IMPG1: variants seen among roughly 807,000 people sequenced by gnomAD.
IMPG1 encodes the protein interphotoreceptor matrix proteoglycan 1.
In IMPG1, 85 loss-of-function variants were observed where a neutral mutation model predicts 92.0. The ratio of observed to expected loss-of-function variants is 0.92; its 90% CI spans 0.78 to 1.11. The LOEUF is 1.11. Ranked by LOEUF, IMPG1 falls within the 50% of genes least tolerant of loss-of-function variation. The probability of loss-of-function intolerance (pLI) is 0.00; values close to 1 mark genes in which losing one functional copy is unlikely to be tolerated. For synonymous variants in IMPG1, 367 were observed against 334.1 expected (o/e 1.10, Z -1.08); for missense variants, 1,022 against 956.0 (o/e 1.07, Z -0.91).
In IMPG1 at chr6:76,042,036, T is replaced by G; in HGVS notation, c.158A>C (p.Lys53Thr). Reference sequence around the variant, plus strand: ...GAATATTCGTCTCATAGTTGACATTTTGTACATTTTTTCAGTACTTTCAGT... The same window carrying G: ...GAATATTCGTCTCATAGTTGACATTGTGTACATTTTTTCAGTACTTTCAGT... ...ETTESTEKMY[K>T]MSTMRRIFDL... Residue 53 changes from lysine to threonine, a missense_variant, in exon 2 of 17, where the codon AAA (lysine) becomes ACA (threonine). By Grantham distance (78) the Lys-to-Thr change is moderately conservative. Coordinates refer to ENST00000369950, the MANE Select transcript of IMPG1 (RefSeq NM_001563.4). 1 of 1,612,840 alleles carries G rather than the reference T, an allele frequency of 6.2e-7. No homozygotes were observed. Among genetic ancestry groups the G allele is most frequent in the Non-Finnish European group, 8.5e-7 (1 of 1,178,820 alleles).
intron 12 of IMPG1, among the ~76,000 whole-genome samples, chr6:75,953,667 G>A (rs535459019): frequency 1.1e-3 from 160 of 151,716 alleles, no homozygotes; most frequent in Non-Finnish European, 1.9e-3. Context: ...GAACGTGCAG[G>A]TTTGTTACAT....
At chr6:76,001,220 T>C (rs1165320117) in intron 12 of IMPG1, among the ~76,000 whole-genome samples, 3 of 152,234 alleles carry the variant, frequency 2.0e-5, no homozygotes, top group African/African-American at 7.2e-5. Context: ...TTTATTAATC[T>C]ACCTGAAATG....
intron 12 of IMPG1, among the ~76,000 whole-genome samples, chr6:75,976,772 C>T (rs533204988): frequency 2.6e-5 from 4 of 151,420 alleles, no homozygotes; most frequent in South Asian, 2.1e-4. Context: ...ACTAGCCGGG[C>T]GTGGTGGCAG....
chr6:76,067,434 G>A (rs548847288), intron 1 of IMPG1, among the ~76,000 whole-genome samples: 2 of 152,110 alleles, frequency 1.3e-5, no homozygotes, highest in Non-Finnish European at 2.9e-5. Flanking sequence ...CTTGAAAACC[G>A]AGAGGAAATG....
chr6:75,941,221 C>A (rs1210588498), intron 14 of IMPG1, among the ~76,000 whole-genome samples: 1 of 152,280 alleles, frequency 6.6e-6, no homozygotes, highest in East Asian at 1.9e-4. Flanking sequence ...GTACCCAAAT[C>A]ATGATTACAT....
intron 1 of IMPG1, among the ~76,000 whole-genome samples, chr6:76,069,795 T>C (rs1165760502): frequency 6.6e-6 from 1 of 151,264 alleles, no homozygotes; most frequent in Admixed American, 6.6e-5. Flanking sequence ...TTTGCAGCCA[T>C]AAAACAAACC....
chr6:76,043,985 G>C (rs1783890018), intron 1 of IMPG1, among the ~76,000 whole-genome samples: 1 of 152,248 alleles, frequency 6.6e-6, no homozygotes, highest in South Asian at 2.1e-4. Flanking sequence ...AGCAAGACCA[G>C]TTGCAAGGCA....
At chr6:76,046,347 C>T (rs746959868) in intron 1 of IMPG1, among the ~76,000 whole-genome samples, 5 of 151,766 alleles carry the variant, frequency 3.3e-5, no homozygotes, top group Non-Finnish European at 5.9e-5. Flanking sequence ...AGATTAAACA[C>T]TAGGAAAACA....
intron 2 of IMPG1, among the ~76,000 whole-genome samples, chr6:76,041,621 T>G (rs1051782262): frequency 2.0e-5 from 3 of 152,104 alleles, no homozygotes; most frequent in Non-Finnish European, 2.9e-5. Context: ...AATAAAGGGG[T>G]AAAATCTGGA....
intron 12 of IMPG1, among the ~76,000 whole-genome samples, chr6:75,977,631 C>G (rs1344289162): frequency 6.6e-6 from 1 of 150,724 alleles, no homozygotes; most frequent in Non-Finnish European, 1.5e-5. Context: ...AACAAGCATA[C>G]ATTTTATTTA....
intron 14 of IMPG1, among the ~76,000 whole-genome samples, chr6:75,937,041 T>A (rs1172937572): frequency 2.6e-5 from 4 of 151,958 alleles, no homozygotes; most frequent in Non-Finnish European, 4.4e-5. Context: ...AAACAGAAAA[T>A]CTGCAGTGCT....
intron 12 of IMPG1, among the ~76,000 whole-genome samples, chr6:75,974,358 T>C (rs1322686969): frequency 8.1e-6 from 1 of 123,068 alleles, no homozygotes; most frequent in Non-Finnish European, 1.7e-5. Context: ...TTTCTTTCTT[T>C]CTTTCTTTCT....
intron 15 of IMPG1, among the ~76,000 whole-genome samples, chr6:75,924,572 TATAA>T (rs1781497471): frequency 2.5e-5 from 1 of 40,010 alleles, no homozygotes; most frequent in Non-Finnish European, 4.9e-5. Context: ...ATATATTATA[TATAA>T]TTAATATAAT....
In IMPG1 at chr6:75,929,330, A is replaced by G. The variant is rs555753047; in HGVS notation, c.2243+1623T>C. Reference sequence around the variant, plus strand: ...ATTGTTTTTGGATTTCCCTGATGATAGTGAGATCCAGTATCTTCTGTATTT... The same window carrying G: ...ATTGTTTTTGGATTTCCCTGATGATGGTGAGATCCAGTATCTTCTGTATTT... On this transcript the variant is annotated intron_variant, in intron 15 of 16. Transcript: ENST00000369950. 2.0e-5 allele frequency among the ~76,000 whole-genome samples: 3 copies of G among 152,204 alleles called. No homozygotes were observed. In the East Asian group the frequency reaches 5.8e-4, roughly 29 times the overall value.
intron 1 of IMPG1, among the ~76,000 whole-genome samples, chr6:76,054,799 C>A (rs1363443012): frequency 6.6e-6 from 1 of 151,954 alleles, no homozygotes; most frequent in Non-Finnish European, 1.5e-5. Context: ...CCAGTTCCAG[C>A]AAACCAGTGG....
At chr6:75,942,822 G>A (rs1781857343) in intron 14 of IMPG1, among the ~76,000 whole-genome samples, 1 of 152,140 alleles carries the variant, frequency 6.6e-6, no homozygotes, top group Non-Finnish European at 1.5e-5. Context: ...TTCCGTTAAT[G>A]TGTTTTAAAA....
rs80032210 is a variant in IMPG1, at chr6:75,968,142, G to T, written c.1292-17048C>A. Among the ~76,000 whole-genome samples the T allele has an allele frequency of 0.018, 2,762 of 152,266 alleles. 137 individuals are homozygous for T. The East Asian group carries it at 0.21, about 11-fold the overall frequency. ...AATACAAACCTAATTACCAAAACTTGGAGTGTGGAGGAGTGAAGATGGGTA... is the reference window on the plus strand; with the variant it reads ...AATACAAACCTAATTACCAAAACTTTGAGTGTGGAGGAGTGAAGATGGGTA... On this transcript the variant is annotated intron_variant, in intron 12 of 16. Transcript: ENST00000369950.
intron 4 of IMPG1, among the ~76,000 whole-genome samples, chr6:76,032,802 C>A (rs1338260013): frequency 3.9e-5 from 6 of 151,954 alleles, no homozygotes. Context: ...GGGTCAGAAT[C>A]CGAGTGAGTA....
chr6:76,058,682 G>A (rs890364411), intron 1 of IMPG1, among the ~76,000 whole-genome samples: 13 of 152,296 alleles, frequency 8.5e-5, no homozygotes, highest in African/African-American at 3.1e-4. Context: ...CTCAACGGTA[G>A]AGGGAAGTTT....
Sources: gnomAD v4.1 joint callset for allele counts (sites outside exome capture counted in the v4.1 genomes callset) on GRCh38, gnomAD v4.1.1 for gene constraint, MANE v1.5 for transcripts, NCBI Gene and HGNC (gene_info 2026-07-23, HGNC 2026-07-21) for gene names.